The following PRKCE variants were observed in gnomAD, a reference collection of about 807,000 sequenced individuals.
PRKCE encodes the protein protein kinase C epsilon type.
In PRKCE, 16 loss-of-function variants were observed where a neutral mutation model predicts 85.4. The observed-to-expected ratio is 0.19, with a 90% CI of 0.13 to 0.28. The LOEUF (loss-of-function observed/expected upper bound fraction) is 0.28. Ranked by LOEUF, PRKCE falls within the 10% of genes least tolerant of loss-of-function variation. The pLI is 1.00. For synonymous variants in PRKCE, 388 were observed against 371.5 expected, an observed-to-expected ratio of 1.04 and a Z score of -0.51; for missense variants, 573 against 975.2, an observed-to-expected ratio of 0.59 and a Z score of 5.49.
At chr2:45,939,308 C>T (rs1434674942) in intron 2 of PRKCE, among the ~76,000 whole-genome samples, 1 of 152,124 alleles carries the variant, frequency 6.6e-6, no homozygotes, top group African/African-American at 2.4e-5. Context: ...TTGTCTAAAG[C>T]CAGCACTGCC....
At chr2:46,166,485 A>G (rs377436905) in intron 14 of PRKCE, among the ~76,000 whole-genome samples, 32 of 152,338 alleles carry the variant, frequency 2.1e-4, no homozygotes, top group African/African-American at 7.7e-4. Context: ...AAAAGTCCAG[A>G]AACCTGTTTT....
At chr2:46,040,436 C>T (rs1380082852) in intron 10 of PRKCE, among the ~76,000 whole-genome samples, 1 of 152,174 alleles carries the variant, frequency 6.6e-6, no homozygotes, top group Non-Finnish European at 1.5e-5. Flanking sequence ...TTGGCTTCAG[C>T]TTAGGATCAC....
chr2:45,985,551 G>T (rs1703249896), intron 6 of PRKCE, among the ~76,000 whole-genome samples: 1 of 152,124 alleles, frequency 6.6e-6, no homozygotes. Flanking sequence ...AAAATTAGAA[G>T]AATATAAGTA....
chr2:45,689,763 G>C (rs538877269), intron 1 of PRKCE, among the ~76,000 whole-genome samples: 5 of 151,908 alleles, frequency 3.3e-5, no homozygotes, highest in Admixed American at 3.3e-4. Flanking sequence ...AGGCATGGTG[G>C]TGTGTGACTG....
intron 2 of PRKCE, among the ~76,000 whole-genome samples, chr2:45,927,565 T>A (rs1025766389): frequency 6.6e-6 from 1 of 152,314 alleles, no homozygotes; most frequent in East Asian, 1.9e-4. Flanking sequence ...TCTGGGCCAG[T>A]CTGTACTGCT....
At chr2:46,050,181 C>T (rs1046366640) in intron 10 of PRKCE, among the ~76,000 whole-genome samples, 1 of 152,214 alleles carries the variant, frequency 6.6e-6, no homozygotes, top group Non-Finnish European at 1.5e-5. Context: ...TCACATTTAC[C>T]GTTCACAAGA....
At chr2:46,153,382 A>G (rs938170609) in intron 13 of PRKCE, among the ~76,000 whole-genome samples, 1 of 152,178 alleles carries the variant, frequency 6.6e-6, no homozygotes, top group Non-Finnish European at 1.5e-5. Flanking sequence ...CAAACAACAC[A>G]GTCCCTGCTT....
At chr2:46,071,127 T>C (rs896264672) in intron 10 of PRKCE, among the ~76,000 whole-genome samples, 16 of 152,202 alleles carry the variant, frequency 1.1e-4, no homozygotes, top group African/African-American at 3.6e-4. Context: ...CACACCCTAC[T>C]CATTTTGACA....
intron 10 of PRKCE, among the ~76,000 whole-genome samples, chr2:46,042,376 G>C (rs574572625): frequency 2.1e-4 from 32 of 152,310 alleles, no homozygotes; most frequent in African/African-American, 7.2e-4. Flanking sequence ...CTTATTGCCT[G>C]GGTCAGTTGG....
chr2:46,055,081 G>A lies in PRKCE; in HGVS notation c.1438-31127G>A, dbSNP rs532559615. 5.3e-5 allele frequency among the ~76,000 whole-genome samples: 8 copies of A among 152,202 alleles called. No individual in the cohort carries two copies. The South Asian group carries it at 6.2e-4, about 12-fold the overall frequency. On this transcript the variant is annotated intron_variant, in intron 10 of 14. Transcript: ENST00000306156. ...CGTGATCACATTCCTCCTGGACGCC[G>A]GACAATACAAGTGCCAGGTATGCAG...
At chr2:45,759,273 G>T (rs1438235272) in intron 1 of PRKCE, among the ~76,000 whole-genome samples, 1 of 152,186 alleles carries the variant, frequency 6.6e-6, no homozygotes, top group Non-Finnish European at 1.5e-5. Context: ...GTCTTGAGCT[G>T]CTCTGTTTTG....
intron 10 of PRKCE, among the ~76,000 whole-genome samples, chr2:46,070,419 G>A (rs1204728660): frequency 6.6e-6 from 1 of 152,206 alleles, no homozygotes; most frequent in Non-Finnish European, 1.5e-5. Context: ...CAAGGAGGGT[G>A]GATCACGAGG....
intron 11 of PRKCE, among the ~76,000 whole-genome samples, chr2:46,094,780 C>A (rs1022142143): frequency 2.7e-5 from 4 of 149,668 alleles, no homozygotes; most frequent in Non-Finnish European, 4.4e-5. Flanking sequence ...TGCATAAGAA[C>A]TCAGAACTTA....
At chr2:45,854,792 C>A (rs571249106) in intron 2 of PRKCE, among the ~76,000 whole-genome samples, 1 of 152,266 alleles carries the variant, frequency 6.6e-6, no homozygotes, top group South Asian at 2.1e-4. Context: ...TAGATGAGAC[C>A]TGGTAGGTGT....
At chr2:45,724,872 A>G (rs1680922803) in intron 1 of PRKCE, among the ~76,000 whole-genome samples, 1 of 152,256 alleles carries the variant, frequency 6.6e-6, no homozygotes, top group Non-Finnish European at 1.5e-5. Flanking sequence ...GAAAGAAGCC[A>G]TCTCCATAAC....
intron 10 of PRKCE, among the ~76,000 whole-genome samples, chr2:46,060,751 T>TA (rs1415771024): frequency 2.0e-5 from 3 of 151,678 alleles, no homozygotes; most frequent in African/African-American, 7.3e-5. Flanking sequence ...CTCCTTTTTT[T>TA]TTTTTTTGTT....
rs1325840066 is a variant in PRKCE at position 45,979,015 on chromosome 2, G to C, written c.607+5G>C. On this transcript the variant is annotated splice_donor_5th_base_variant and intron_variant, in intron 4 of 14. Coordinates refer to ENST00000306156, the MANE Select transcript of PRKCE (RefSeq NM_005400.3). ...AGCAGGGATACCAGTGTCAAGGTAA[G>C]AGGCATTTATGAATTAAATCTTCAG... The C allele has an allele frequency of 1.0e-5, 16 of 1,598,934 alleles. No homozygotes were observed. Among genetic ancestry groups the C allele is most frequent in the Non-Finnish European group, 1.3e-5 (15 of 1,179,402 alleles).
At chr2:45,981,095 G>T (rs1429786599) in intron 5 of PRKCE, among the ~76,000 whole-genome samples, 1 of 152,200 alleles carries the variant, frequency 6.6e-6, no homozygotes, top group African/African-American at 2.4e-5. Flanking sequence ...GCATCAGATT[G>T]CCTAGTTTGG....
At chr2:45,808,864 T>C (rs1163896589) in intron 1 of PRKCE, among the ~76,000 whole-genome samples, 1 of 152,166 alleles carries the variant, frequency 6.6e-6, no homozygotes, top group Non-Finnish European at 1.5e-5. Flanking sequence ...GCTTAGTGCT[T>C]GTTCTCCAAC....
Sources: gnomAD v4.1 joint callset for allele counts (sites outside exome capture counted in the v4.1 genomes callset) on GRCh38, gnomAD v4.1.1 for gene constraint, MANE v1.5 for transcripts, NCBI Gene and HGNC (gene_info 2026-07-23, HGNC 2026-07-21) for gene names.